FAM204A: variants seen among roughly 807,000 people sequenced by gnomAD.
FAM204A encodes family with sequence similarity 204 member A, also known as protein FAM204A.
A neutral mutation model predicts 35.4 loss-of-function variants in FAM204A; 16 were observed. The observed-to-expected ratio is 0.45, with a 90% CI of 0.31 to 0.69. The LOEUF is 0.69. Among genes scored for constraint, FAM204A ranks in the 30% least tolerant of loss-of-function variants. The probability of loss-of-function intolerance (pLI) is 0.07; values close to 1 mark genes in which losing one functional copy is unlikely to be tolerated. For synonymous variants in FAM204A, 76 were observed against 86.9 expected (o/e 0.88, Z 0.70); for missense variants, 240 against 265.7 (o/e 0.90, Z 0.67).
In FAM204A at chr10:118,302,498, A is replaced by T. The variant is rs946608157; in HGVS notation, c.*8359T>A. The T allele has an allele frequency of 3.3e-5, 5 of 152,242 alleles. No homozygotes were observed. The highest frequency in any genetic ancestry group is 1.2e-4 in the African/African-American group (5 of 41,468). 9.4% of individuals were successfully genotyped at this position (152,242 alleles called of 1,614,324 possible). On this transcript the variant is annotated 3_prime_UTR_variant, in exon 9 of 9. Transcript: ENST00000369183. ...ACTTCTGGTAATATATGAATTTCAT[A>T]AAAATGTTTTCCAAGGTGCACAGAA...
At chr10:118,335,296 C>T (rs2133291665) in intron 5 of FAM204A, 83 bp from the exon 6 acceptor site, 1 of 1,544,340 alleles carries the variant, frequency 6.5e-7, no homozygotes, top group South Asian at 1.2e-5. Flanking sequence ...TACAATTATA[C>T]TACAATTACT....
At chr10:118,320,622 G>A (rs1445234387) in intron 7 of FAM204A, among the ~76,000 whole-genome samples, 2 of 151,812 alleles carry the variant, frequency 1.3e-5, no homozygotes, top group Non-Finnish European at 2.9e-5. Context: ...CTAAGTATAT[G>A]TTTCTACTTC....
Position 118,311,108 on chromosome 10 carries a change from A to C in FAM204A, c.650+99T>G, listed in dbSNP as rs376503848. 1,145 of 1,182,864 alleles carry C rather than the reference A, an allele frequency of 9.7e-4. 1 individual carries two copies. The highest frequency in any genetic ancestry group is 1.2e-3 in the Non-Finnish European group (961 of 815,966). The allele number at this position is 1,182,864 out of a possible 1,614,324, so 73.3% of individuals were successfully genotyped here. On this transcript the variant is annotated intron_variant, in intron 8 of 8. Coordinates refer to ENST00000369183, the MANE Select transcript of FAM204A (RefSeq NM_022063.3). Reference sequence around the variant, plus strand: ...ACATTCAACGAAGAAAAAAATGTAAAATGAGTTAACAGTTATACACGAACT... The same window carrying C: ...ACATTCAACGAAGAAAAAAATGTAACATGAGTTAACAGTTATACACGAACT...
intron 6 of FAM204A, among the ~76,000 whole-genome samples, chr10:118,332,250 A>G (rs990494568): frequency 6.7e-6 from 1 of 149,832 alleles, no homozygotes; most frequent in Non-Finnish European, 1.5e-5. Flanking sequence ...GGACCAAATG[A>G]CTTGGGTTTA....
chr10:118,340,616 A>G (rs1157078756), intron 2 of FAM204A, among the ~76,000 whole-genome samples: 2 of 152,214 alleles, frequency 1.3e-5, no homozygotes, highest in African/African-American at 4.8e-5. Context: ...CTCAGCCAAG[A>G]GGATGTTTTC....
At chr10:118,322,750 T>C (rs1374837652) in intron 7 of FAM204A, among the ~76,000 whole-genome samples, 3 of 152,142 alleles carry the variant, frequency 2.0e-5, no homozygotes, top group Non-Finnish European at 4.4e-5. Flanking sequence ...AGGAAATCTT[T>C]TTCCAAATTT....
At position 118,311,266 on chromosome 10, in the gene FAM204A, T is replaced by G; in HGVS notation, c.591A>C (p.Lys197Asn). Residue 197 changes from lysine (K) to asparagine (N), a missense_variant, in exon 8 of 9, where the codon AAA becomes AAC. Transcript: ENST00000369183. Reference sequence around the variant, plus strand: ...GTGAATTTTCAACCTCCTTTTTGGCTTTTACAAAGTTGTGGCAGGCAACTG... The same window carrying G: ...GTGAATTTTCAACCTCCTTTTTGGCGTTTACAAAGTTGTGGCAGGCAACTG... ...AKAVACHNFVKAKKEVENSQA... is the reference protein window; with the variant it reads ...AKAVACHNFVNAKKEVENSQA... The G allele has an allele frequency of 6.2e-7, 1 of 1,612,112 alleles. No homozygotes were observed. Among genetic ancestry groups the G allele is most frequent in the Non-Finnish European group, 8.5e-7 (1 of 1,179,660 alleles).
chr10:118,333,075 T>C (rs757965879), intron 6 of FAM204A, among the ~76,000 whole-genome samples: 9 of 152,120 alleles, frequency 5.9e-5, no homozygotes, highest in Non-Finnish European at 1.2e-4. Context: ...GTTTAAAAAA[T>C]ACAAGCCTCT....
intron 6 of FAM204A, among the ~76,000 whole-genome samples, chr10:118,328,373 T>C (rs1846232180): frequency 6.6e-6 from 1 of 152,198 alleles, no homozygotes; most frequent in African/African-American, 2.4e-5. Context: ...GTTTAAGTGC[T>C]GGACTAGCAG....
chr10:118,319,273 G>T lies in FAM204A; in HGVS notation c.543+6881C>A, dbSNP rs1394793868. Among the ~76,000 whole-genome samples the T allele has an allele frequency of 2.0e-5, 3 of 152,036 alleles. No homozygotes were observed. The South Asian group carries it at 6.2e-4, about 32-fold the overall frequency. On this transcript the variant is annotated intron_variant, in intron 7 of 8. Coordinates refer to ENST00000369183, the MANE Select transcript of FAM204A (RefSeq NM_022063.3). ...AGCTTAGGCTACAAATTAACAGTCT[G>T]CTCAAATTTAGAAAGCATTTAATTC...
rs929125181 is a variant in FAM204A, at chr10:118,305,790, T to C, written c.*5067A>G. 1 of 152,238 alleles carries C rather than the reference T, an allele frequency of 6.6e-6. No individual in the cohort carries two copies. The allele number at this position is 152,238 out of a possible 1,614,324, so 9.4% of individuals were successfully genotyped here. On this transcript the variant is annotated 3_prime_UTR_variant, in exon 9 of 9. Coordinates refer to ENST00000369183, the MANE Select transcript of FAM204A (RefSeq NM_022063.3). ...ACATATAGTAGGCATTCAGGAAATG[T>C]TCCTTGGGCATTATGTAGGGAGAAA...
chr10:118,309,954 T>C lies in FAM204A; in HGVS notation c.*903A>G, dbSNP rs1186258872. 1.3e-5 allele frequency: 2 copies of C among 152,156 alleles called. No individual in the cohort carries two copies. The highest frequency in any genetic ancestry group is 4.8e-5 in the African/African-American group (2 of 41,432). The allele number at this position is 152,156 out of a possible 1,614,324, so 9.4% of individuals were successfully genotyped here. A position where few individuals can be genotyped will look rare whatever the true frequency, so the allele number is the denominator to read the frequency against. On this transcript the variant is annotated 3_prime_UTR_variant, in exon 9 of 9. Transcript: ENST00000369183. The stretch of plus-strand genomic sequence containing the variant: ...CCTTTCTTTATTGTAATAGTTTATC[T>C]GAAAGTACACAAAAATTAACAAATT...
chr10:118,323,917 T>TTA (rs1846158121), intron 7 of FAM204A, among the ~76,000 whole-genome samples: 1 of 152,102 alleles, frequency 6.6e-6, no homozygotes, highest in South Asian at 2.1e-4. Flanking sequence ...AAACAAAAGA[T>TTA]ATTACGTTTG....
At chr10:118,327,194 T>C (rs1033946171) in intron 6 of FAM204A, among the ~76,000 whole-genome samples, 1 of 152,180 alleles carries the variant, frequency 6.6e-6, no homozygotes, top group South Asian at 2.1e-4. Context: ...TTCTCCTCCT[T>C]ATTTCATAAC....
At chr10:118,310,945 T>TA (rs750128660) in intron 8 of FAM204A, 37 bp from the exon 9 acceptor site, 13,421 of 1,121,242 alleles carry the variant, frequency 0.012, no homozygotes, top group Non-Finnish European at 0.013. Flanking sequence ...ATTTATTTCT[T>TA]AAAAAAAAAA....
At position 118,302,520 on chromosome 10, in the gene FAM204A, A is replaced by G. The variant is rs1845818849; in HGVS notation, c.*8337T>C. The G allele has an allele frequency of 1.3e-5, 2 of 152,254 alleles. No homozygotes were observed. The highest frequency in any genetic ancestry group is 2.9e-5 in the Non-Finnish European group (2 of 68,034). The allele number at this position is 152,254 out of a possible 1,614,324, so 9.4% of individuals were successfully genotyped here. On this transcript the variant is annotated 3_prime_UTR_variant, in exon 9 of 9. Transcript: ENST00000369183. ...CATAAAAATGTTTTCCAAGGTGCAC[A>G]GAAACATCTGAGGACTTTAATTAAG... is the stretch of plus-strand genomic sequence containing the variant.
rs1446504316 is a variant in FAM204A, at chr10:118,306,086, A to C, written c.*4771T>G. The C allele has an allele frequency of 6.6e-6, 1 of 152,266 alleles. No individual in the cohort carries two copies. The highest frequency in any genetic ancestry group is 1.5e-5 in the Non-Finnish European group (1 of 68,046). 9.4% of individuals were successfully genotyped at this position (152,266 alleles called of 1,614,324 possible). A position where few individuals can be genotyped will look rare whatever the true frequency, so the allele number is the denominator to read the frequency against. ...CTTGCACTGTAGCTGTTGGTTCCTA[A>C]GGCTTTAAATTCAATGAACAAGTAA... On this transcript the variant is annotated 3_prime_UTR_variant, in exon 9 of 9. Coordinates refer to ENST00000369183, the MANE Select transcript of FAM204A (RefSeq NM_022063.3).
In FAM204A at chr10:118,298,684, T is replaced by C. The variant is rs1845775305; in HGVS notation, c.*12173A>G. 6.6e-6 allele frequency: 1 copy of C among 152,172 alleles called. No homozygotes were observed. The highest frequency in any genetic ancestry group is 1.5e-5 in the Non-Finnish European group (1 of 68,040). 9.4% of individuals were successfully genotyped at this position (152,172 alleles called of 1,614,324 possible). ...TTTTACAATGTACAGAGATTATTGT[T>C]ACGTCCACATTATTATTTTTGGCAC... is the stretch of plus-strand genomic sequence containing the variant. On this transcript the variant is annotated 3_prime_UTR_variant, in exon 9 of 9. Transcript: ENST00000369183.
chr10:118,338,732 A>G (rs950415657), intron 2 of FAM204A, among the ~76,000 whole-genome samples: 8 of 152,150 alleles, frequency 5.3e-5, no homozygotes, highest in African/African-American at 1.7e-4. Context: ...TGCCTCTCCA[A>G]TGGGCAGTGG....
Sources: allele counts gnomAD v4.1 joint callset (sites outside exome capture counted in the v4.1 genomes callset), GRCh38; gene constraint gnomAD v4.1.1; transcripts MANE v1.5; gene names NCBI Gene and HGNC (gene_info 2026-07-23, HGNC 2026-07-21).